The following MOB3B variants were observed in gnomAD, a reference collection of about 807,000 sequenced individuals.
MOB3B encodes MOB kinase activator 3B.
In MOB3B, 7 loss-of-function variants were observed where a neutral mutation model predicts 18.7. That is an observed-to-expected ratio of 0.37 (90% CI 0.21 to 0.70). The LOEUF (loss-of-function observed/expected upper bound fraction) is 0.70. MOB3B is among the 30% of genes least tolerant of loss of function. The pLI is 0.52. For synonymous variants in MOB3B, 111 were observed against 99.9 expected, an observed-to-expected ratio of 1.11 and a Z score of -0.66; for missense variants, 253 against 281.3, an observed-to-expected ratio of 0.90 and a Z score of 0.72.
At chr9:27,415,856 A>C (rs550013130) in intron 2 of MOB3B, among the ~76,000 whole-genome samples, 2 of 152,216 alleles carry the variant, frequency 1.3e-5, no homozygotes, top group African/African-American at 2.4e-5. Flanking sequence ...CTGGTTCTAA[A>C]CTGCAATACG....
chr9:27,333,867 G>C (rs1309384100), intron 3 of MOB3B, among the ~76,000 whole-genome samples: 1 of 152,106 alleles, frequency 6.6e-6, no homozygotes, highest in Non-Finnish European at 1.5e-5. Context: ...ACCTCCTGCT[G>C]AATTCCCTCC....
At chr9:27,381,695 G>A (rs1821579605) in intron 2 of MOB3B, among the ~76,000 whole-genome samples, 1 of 152,114 alleles carries the variant, frequency 6.6e-6, no homozygotes, top group African/African-American at 2.4e-5. Context: ...TGTCCAGGCT[G>A]GTGTGCAGAG....
intron 1 of MOB3B, among the ~76,000 whole-genome samples, chr9:27,459,507 G>T (rs1399699080): frequency 6.6e-6 from 1 of 152,176 alleles, no homozygotes; most frequent in Non-Finnish European, 1.5e-5. Flanking sequence ...GAAGTGCTGG[G>T]TTGGAGGGCT....
chr9:27,519,819 C>A (rs1820295798), intron 1 of MOB3B, among the ~76,000 whole-genome samples: 1 of 151,928 alleles, frequency 6.6e-6, no homozygotes, highest in Non-Finnish European at 1.5e-5. Flanking sequence ...GACCAGAAGA[C>A]AAGCTGGCCC....
At position 27,405,995 on chromosome 9, in the gene MOB3B, T is replaced by C. The variant is rs1037592788; in HGVS notation, c.419-46759A>G. ...TATCGAACTAGGAAAAACTAAAGTT[T>C]TTATCTAAGATTTGGAACAAGACAA... On this transcript the variant is annotated intron_variant, in intron 2 of 3. Transcript: ENST00000262244. Among the ~76,000 whole-genome samples the C allele has an allele frequency of 1.3e-5, 2 of 152,190 alleles. 1 individual carries two copies. Among genetic ancestry groups the C allele is most frequent in the African/African-American group, 4.8e-5 (2 of 41,446 alleles).
intron 1 of MOB3B, among the ~76,000 whole-genome samples, chr9:27,521,077 T>G (rs1820317262): frequency 1.3e-5 from 2 of 152,198 alleles, no homozygotes; most frequent in African/African-American, 4.8e-5. Flanking sequence ...ATGGAGTCCT[T>G]GCTCTTGGGG....
At chr9:27,462,403 T>A (rs1337319703) in intron 1 of MOB3B, among the ~76,000 whole-genome samples, 1 of 152,170 alleles carries the variant, frequency 6.6e-6, no homozygotes, top group Non-Finnish European at 1.5e-5. Flanking sequence ...GAACTACAGA[T>A]AAAGCTTAAG....
At chr9:27,482,023 A>C (rs377539110) in intron 1 of MOB3B, among the ~76,000 whole-genome samples, 1 of 152,178 alleles carries the variant, frequency 6.6e-6, no homozygotes, top group Admixed American at 6.5e-5. Flanking sequence ...AAGAAAAGAG[A>C]TAAGATGAAA....
chr9:27,330,628 G>A lies in MOB3B; in HGVS notation c.622-12C>T, dbSNP rs771445974. On this transcript the variant is annotated splice_polypyrimidine_tract_variant and intron_variant, in intron 3 of 3. Coordinates refer to ENST00000262244, the MANE Select transcript of MOB3B (RefSeq NM_024761.5). ...CTCGTCATTTCTTTCTGGAAAGCAA[G>A]GGGAAAAGGATGGTTAGGAGAAACT... 5.0e-6 allele frequency: 8 copies of A among 1,614,072 alleles called. No homozygotes were observed. In the South Asian group the frequency reaches 6.6e-5, roughly 13 times the overall value.
chr9:27,370,165 G>C (rs1821395374), intron 2 of MOB3B, among the ~76,000 whole-genome samples: 1 of 152,078 alleles, frequency 6.6e-6, no homozygotes. Context: ...TTTGGGAGGT[G>C]ATTAGGTCAT....
At chr9:27,402,457 G>C (rs1821899785) in intron 2 of MOB3B, among the ~76,000 whole-genome samples, 1 of 152,134 alleles carries the variant, frequency 6.6e-6, no homozygotes, top group South Asian at 2.1e-4. Context: ...TACCTCTTCT[G>C]TACTGCCTAC....
intron 2 of MOB3B, among the ~76,000 whole-genome samples, chr9:27,416,249 G>C (rs945172366): frequency 6.6e-6 from 1 of 152,066 alleles, no homozygotes; most frequent in East Asian, 1.9e-4. Flanking sequence ...CTTAAGTATA[G>C]GTATGCTTAA....
In MOB3B at chr9:27,457,073, T is replaced by C. The variant is rs540964804; in HGVS notation, c.-198-1325A>G. On this transcript the variant is annotated intron_variant, in intron 1 of 3. Transcript: ENST00000262244. ...CAATTACTTGCCTAACAAGATCCCATAGCTAGCTGGAGCATGCTGTTAGAT... is the reference window on the plus strand; with the variant it reads ...CAATTACTTGCCTAACAAGATCCCACAGCTAGCTGGAGCATGCTGTTAGAT... 1.4e-4 allele frequency among the ~76,000 whole-genome samples: 21 copies of C among 152,336 alleles called. No homozygotes were observed. In the South Asian group the frequency reaches 4.4e-3, roughly 32 times the overall value.
At chr9:27,336,249 A>G (rs192510106) in intron 3 of MOB3B, among the ~76,000 whole-genome samples, 4 of 152,252 alleles carry the variant, frequency 2.6e-5, no homozygotes, top group Non-Finnish European at 5.9e-5. Context: ...CAAGCAAACA[A>G]CATTCTGCTT....
chr9:27,435,755 G>A (rs892271357), intron 2 of MOB3B, among the ~76,000 whole-genome samples: 13 of 152,006 alleles, frequency 8.6e-5, no homozygotes, highest in South Asian at 4.2e-4. Flanking sequence ...ACCCACTACC[G>A]TGCCCAGCTA....
chr9:27,516,282 C>T (rs1020532801), intron 1 of MOB3B, among the ~76,000 whole-genome samples: 1 of 152,166 alleles, frequency 6.6e-6, no homozygotes, highest in African/African-American at 2.4e-5. Flanking sequence ...ATGAATACAT[C>T]CCAAAACTCC....
At chr9:27,465,262 G>T (rs1246322207) in intron 1 of MOB3B, among the ~76,000 whole-genome samples, 1 of 152,150 alleles carries the variant, frequency 6.6e-6, no homozygotes, top group Non-Finnish European at 1.5e-5. Flanking sequence ...AGGGGTTACA[G>T]GGCCCATGCA....
At chr9:27,520,185 G>A (rs1311577355) in intron 1 of MOB3B, among the ~76,000 whole-genome samples, 2 of 152,158 alleles carry the variant, frequency 1.3e-5, no homozygotes, top group African/African-American at 2.4e-5. Flanking sequence ...CAGCTATATC[G>A]TCTAGACTGA....
chr9:27,524,105 A>T (rs1012679864), intron 1 of MOB3B, among the ~76,000 whole-genome samples: 1 of 140,756 alleles, frequency 7.1e-6, no homozygotes, highest in African/African-American at 2.9e-5. Flanking sequence ...TTTTTCAGGG[A>T]AAAAAAAAAG....
Sources: allele counts gnomAD v4.1 joint callset (sites outside exome capture counted in the v4.1 genomes callset), GRCh38; gene constraint gnomAD v4.1.1; transcripts MANE v1.5; gene names NCBI Gene and HGNC (gene_info 2026-07-23, HGNC 2026-07-21).